Variants in NKAIN2 observed in about 807,000 individuals in gnomAD.
NKAIN2 encodes the protein sodium/potassium transporting ATPase interacting 2, also known as sodium/potassium-transporting ATPase subunit beta-1-interacting protein 2.
Under a neutral mutation model 32.6 loss-of-function variants are expected in NKAIN2, and 14 were observed. That is an observed-to-expected ratio of 0.43 (90% CI 0.28 to 0.67). The LOEUF (loss-of-function observed/expected upper bound fraction) is 0.67. NKAIN2 is among the 30% of genes least tolerant of loss of function. The pLI is 0.17. For synonymous variants in NKAIN2, 80 were observed against 87.2 expected, an observed-to-expected ratio of 0.92 and a Z score of 0.46; for missense variants, 198 against 258.3, an observed-to-expected ratio of 0.77 and a Z score of 1.60.
chr6:124,240,426 G>A (rs536806640), intron 1 of NKAIN2, among the ~76,000 whole-genome samples: 9 of 152,036 alleles, frequency 5.9e-5, no homozygotes, highest in East Asian at 1.9e-4. Context: ...ATCAAAACCC[G>A]GTAGAGACAC....
Position 124,283,080 on chromosome 6 carries a change from A to G in NKAIN2, c.130A>G (p.Ile44Val), listed in dbSNP as rs1795379011. 7 of 1,610,258 alleles carry G rather than the reference A, an allele frequency of 4.3e-6. No homozygotes were observed. Among genetic ancestry groups the G allele is most frequent in the Non-Finnish European group, 5.9e-6 (7 of 1,176,580 alleles). Residue 44 changes from isoleucine to valine, a missense_variant, in exon 2 of 7, where the codon ATT becomes GTT. By Grantham distance (29) the Ile-to-Val change is conservative (BLOSUM62 3). Coordinates refer to ENST00000368417, the MANE Select transcript of NKAIN2 (RefSeq NM_001040214.3). ...WAPILANFVH[I>V]IIVILGLFGT... is the part of the protein sequence containing the mutation. Reference sequence around the variant, plus strand: ...ACCTATCCTGGCAAATTTTGTACATATTATTATCGTCATTCTTGGTTTGTT... The same window carrying G: ...ACCTATCCTGGCAAATTTTGTACATGTTATTATCGTCATTCTTGGTTTGTT...
At chr6:124,535,877 C>G (rs145694196) in intron 3 of NKAIN2, among the ~76,000 whole-genome samples, 225 of 152,336 alleles carry the variant, frequency 1.5e-3, no homozygotes, top group Non-Finnish European at 2.4e-3. Context: ...CCCTCCCTTC[C>G]TCCTCACTGC....
At chr6:124,662,764 T>A (rs1334097113) in intron 4 of NKAIN2, among the ~76,000 whole-genome samples, 1 of 152,238 alleles carries the variant, frequency 6.6e-6, no homozygotes, top group Non-Finnish European at 1.5e-5. Flanking sequence ...ATGTAGCTGA[T>A]ATGTATGTTG....
chr6:124,484,834 T>TAC (rs1777589458), intron 3 of NKAIN2, among the ~76,000 whole-genome samples: 1 of 152,188 alleles, frequency 6.6e-6, no homozygotes, highest in Admixed American at 6.5e-5. Context: ...TGCATGTGTG[T>TAC]ATGTCCTGTT....
rs751009610 is a variant in NKAIN2 at position 124,430,353 on chromosome 6, T to C, written c.273+75006T>C. ...TGCTGTATAGCAAGCTATCCCCAAA[T>C]TCCAAAATTTAGTGATTTACAATAA... On this transcript the variant is annotated intron_variant, in intron 3 of 6. Coordinates refer to ENST00000368417, the MANE Select transcript of NKAIN2 (RefSeq NM_001040214.3). 2.0e-5 allele frequency among the ~76,000 whole-genome samples: 3 copies of C among 152,184 alleles called. 1 individual carries two copies. The highest frequency in any genetic ancestry group is 4.4e-5 in the Non-Finnish European group (3 of 68,028).
intron 3 of NKAIN2, among the ~76,000 whole-genome samples, chr6:124,516,181 G>A (rs1204968929): frequency 5.3e-5 from 8 of 152,120 alleles, no homozygotes; most frequent in African/African-American, 9.7e-5. Context: ...CTAGAAAATA[G>A]AGACTATGAT....
intron 4 of NKAIN2, among the ~76,000 whole-genome samples, chr6:124,736,521 C>T (rs1776949125): frequency 6.6e-6 from 1 of 151,920 alleles, no homozygotes; most frequent in Non-Finnish European, 1.5e-5. Context: ...TTCAAAACTT[C>T]AAATGATAGG....
At chr6:124,688,496 T>A (rs1774101778) in intron 4 of NKAIN2, among the ~76,000 whole-genome samples, 1 of 151,968 alleles carries the variant, frequency 6.6e-6, no homozygotes, top group Non-Finnish European at 1.5e-5. Context: ...TCACCCAGAG[T>A]CTATAGTTTA....
At chr6:124,189,377 G>A (rs1317646231) in intron 1 of NKAIN2, among the ~76,000 whole-genome samples, 1 of 152,068 alleles carries the variant, frequency 6.6e-6, no homozygotes, top group Middle Eastern at 3.2e-3. Flanking sequence ...AAAAACAACT[G>A]CTAACTGTGT....
intron 4 of NKAIN2, among the ~76,000 whole-genome samples, chr6:124,719,452 C>T (rs796507813): frequency 1.5e-4 from 23 of 152,258 alleles, no homozygotes; most frequent in African/African-American, 5.3e-4. Context: ...TGAATTGTGC[C>T]TACCAGGCAG....
At chr6:124,383,940 G>T (rs928609703) in intron 3 of NKAIN2, among the ~76,000 whole-genome samples, 2 of 152,238 alleles carry the variant, frequency 1.3e-5, no homozygotes, top group South Asian at 4.1e-4. Flanking sequence ...CTCCATTAGG[G>T]AAATAAGAAT....
intron 1 of NKAIN2, among the ~76,000 whole-genome samples, chr6:123,912,674 C>A (rs1242416001): frequency 6.6e-6 from 1 of 152,154 alleles, no homozygotes; most frequent in Non-Finnish European, 1.5e-5. Context: ...TGCCTACTCC[C>A]CTTCACCTTC....
At chr6:124,636,714 A>G (rs1783786253) in intron 3 of NKAIN2, among the ~76,000 whole-genome samples, 1 of 152,052 alleles carries the variant, frequency 6.6e-6, no homozygotes, top group African/African-American at 2.4e-5. Flanking sequence ...AGAAAGAAAT[A>G]GAAAACCTAA....
intron 2 of NKAIN2, among the ~76,000 whole-genome samples, chr6:124,306,826 A>G (rs556002670): frequency 9.2e-5 from 14 of 152,190 alleles, no homozygotes; most frequent in Admixed American, 3.9e-4. Flanking sequence ...AATTCTGCTT[A>G]TAAGGAAAGT....
chr6:124,326,867 C>T (rs1178750351), intron 2 of NKAIN2, among the ~76,000 whole-genome samples: 1 of 152,008 alleles, frequency 6.6e-6, no homozygotes, highest in East Asian at 1.9e-4. Flanking sequence ...GTTCATCTTT[C>T]CCCATTCTTC....
At chr6:124,498,113 G>A (rs532844713) in intron 3 of NKAIN2, among the ~76,000 whole-genome samples, 2 of 152,172 alleles carry the variant, frequency 1.3e-5, no homozygotes, top group East Asian at 1.9e-4. Context: ...CCCAAAAGAC[G>A]AAGAAAATCG....
At chr6:124,505,060 T>C (rs1428510725) in intron 3 of NKAIN2, among the ~76,000 whole-genome samples, 1 of 152,128 alleles carries the variant, frequency 6.6e-6, no homozygotes. Context: ...AAGAAAGGCT[T>C]TATAAATCCA....
intron 3 of NKAIN2, among the ~76,000 whole-genome samples, chr6:124,429,883 A>C (rs913170156): frequency 1.3e-5 from 2 of 152,192 alleles, no homozygotes; most frequent in Non-Finnish European, 2.9e-5. Flanking sequence ...TACTTAAAAA[A>C]GTGCAAGATG....
intron 1 of NKAIN2, among the ~76,000 whole-genome samples, chr6:124,072,725 T>C (rs1340626592): frequency 3.9e-5 from 6 of 152,206 alleles, no homozygotes; most frequent in African/African-American, 1.4e-4. Flanking sequence ...CCAAGAAATA[T>C]TTCAAAATCC....
Sources: allele counts gnomAD v4.1 joint callset (sites outside exome capture counted in the v4.1 genomes callset), GRCh38; gene constraint gnomAD v4.1.1; transcripts MANE v1.5; gene names NCBI Gene and HGNC (gene_info 2026-07-23, HGNC 2026-07-21).